Variants in PAK3 observed in about 807,000 individuals in gnomAD.
PAK3 encodes p21 (RAC1) activated kinase 3, also known as serine/threonine-protein kinase PAK 3.
A neutral mutation model predicts 41.0 loss-of-function variants in PAK3; 4 were observed. The observed-to-expected ratio is 0.10, with a 90% CI of 0.05 to 0.22. The LOEUF is 0.22. PAK3 is among the 10% of genes least tolerant of loss of function. The pLI is 1.00. For missense variants in PAK3, 205 were observed against 409.9 expected (o/e 0.50, Z 4.32); for synonymous variants, 146 against 139.6 (o/e 1.05, Z -0.32).
chrX:111,142,274 A>G lies in PAK3; in HGVS notation c.276+78A>G, dbSNP rs1031080242. The G allele has an allele frequency of 8.3e-6, 5 of 603,304 alleles. No individual in the cohort carries two copies. The African/African-American group carries it at 8.8e-5, about 11-fold the overall frequency. 49.7% of individuals were successfully genotyped at this position (603,304 alleles called of 1,213,427 possible). On this transcript the variant is annotated intron_variant, in intron 6 of 17. Coordinates refer to ENST00000372007, the MANE Select transcript of PAK3 (RefSeq NM_002578.5). ...AAATAGTTTTCAAGCAAGAATTGCC[A>G]TGTCCCAAAATGTCAGACTTAATAT...
Position 111,175,414 on chromosome X carries a change from G to T in PAK3, c.830+2333G>T, listed in dbSNP as rs145836860. 7.0e-3 allele frequency among the ~76,000 whole-genome samples: 778 copies of T among 111,739 alleles called. 10 individuals are homozygous for T. The highest frequency in any genetic ancestry group is 0.024 in the African/African-American group (742 of 30,850). On this transcript the variant is annotated intron_variant, in intron 11 of 17. Transcript: ENST00000372007. ...GAAATTTTGCATACATTGGATTAAA[G>T]AAAATATATTATGAAAATTAATTTC...
intron 1 of PAK3, among the ~76,000 whole-genome samples, chrX:110,982,057 C>A (rs1186788519): frequency 9.0e-6 from 1 of 110,852 alleles, no homozygotes; most frequent in East Asian, 2.8e-4. Context: ...TTTAGAAATT[C>A]TGAGCTTGAG....
chrX:110,957,780 C>A (rs1166009081), intron 1 of PAK3, among the ~76,000 whole-genome samples: 1 of 111,654 alleles, frequency 9.0e-6, no homozygotes, highest in East Asian at 2.8e-4. Flanking sequence ...TCTTTCATTC[C>A]TTTAGTCATT....
At chrX:111,162,846 T>G in intron 8 of PAK3, 69 bp from the exon 9 acceptor site, 1 of 967,261 alleles carries the variant, frequency 1.0e-6, no homozygotes, top group Non-Finnish European at 1.5e-6. Context: ...TTCATTTCCC[T>G]TGTTTTATTT....
chrX:111,051,626 T>C (rs180964672), intron 1 of PAK3, among the ~76,000 whole-genome samples: 2 of 111,933 alleles, frequency 1.8e-5, no homozygotes, highest in East Asian at 5.6e-4. Context: ...ATAACTGAGA[T>C]TTCCATTTGC....
intron 3 of PAK3, among the ~76,000 whole-genome samples, chrX:111,101,530 T>C (rs2093137625): frequency 8.9e-6 from 1 of 112,073 alleles, no homozygotes; most frequent in African/African-American, 3.2e-5. Context: ...GGGTGTGTTC[T>C]CCTTCTCTTA....
intron 1 of PAK3, among the ~76,000 whole-genome samples, chrX:110,950,332 T>G (rs1368506314): frequency 8.9e-6 from 1 of 112,372 alleles, no homozygotes; most frequent in Non-Finnish European, 1.9e-5. Flanking sequence ...TGTGACCATG[T>G]GCTGTTCTAC....
At chrX:110,972,599 T>C (rs1463419798) in intron 1 of PAK3, among the ~76,000 whole-genome samples, 1 of 111,633 alleles carries the variant, frequency 9.0e-6, no homozygotes, top group Non-Finnish European at 1.9e-5. Context: ...AACCACAAAA[T>C]GGGGAGAAAC....
intron 1 of PAK3, among the ~76,000 whole-genome samples, chrX:111,043,948 T>C (rs759775688): frequency 8.9e-6 from 1 of 112,381 alleles, no homozygotes; most frequent in South Asian, 3.7e-4. Flanking sequence ...ACATCCATGC[T>C]TACTCATCTC....
chrX:111,073,753 T>C lies in PAK3; in HGVS notation c.-27-49324T>C, dbSNP rs191950933. Reference sequence around the variant, plus strand: ...AAGGAAACGCTCATGGTCTGATGCCTTCACTGCTAAATTCCACCAATATTT... The same window carrying C: ...AAGGAAACGCTCATGGTCTGATGCCCTCACTGCTAAATTCCACCAATATTT... On this transcript the variant is annotated intron_variant, in intron 1 of 14. Transcript: ENST00000425146. 2.3e-3 allele frequency among the ~76,000 whole-genome samples: 253 copies of C among 112,215 alleles called. 1 individual carries two copies. The highest frequency in any genetic ancestry group is 7.6e-3 in the African/African-American group (234 of 30,908).
intron 1 of PAK3, among the ~76,000 whole-genome samples, chrX:111,066,203 C>T (rs1259405715): frequency 8.9e-6 from 1 of 111,891 alleles, no homozygotes; most frequent in Non-Finnish European, 1.9e-5. Context: ...TATCAACTTT[C>T]CTATTAACAC....
intron 1 of PAK3, among the ~76,000 whole-genome samples, chrX:111,076,868 G>A (rs1159424761): frequency 9.0e-6 from 1 of 111,479 alleles, no homozygotes; most frequent in Non-Finnish European, 1.9e-5. Context: ...CATTCAGAAA[G>A]GAAGAAGTTT....
intron 8 of PAK3, among the ~76,000 whole-genome samples, chrX:111,157,108 C>T (rs1354715044): frequency 9.0e-6 from 1 of 111,409 alleles, no homozygotes; most frequent in Non-Finnish European, 1.9e-5. Flanking sequence ...TCTTTTACTT[C>T]AGTGTGCATC....
chrX:111,052,272 T>A (rs938875774), intron 1 of PAK3, among the ~76,000 whole-genome samples: 1 of 112,651 alleles, frequency 8.9e-6, no homozygotes, highest in Admixed American at 9.4e-5. Context: ...GAACAACCTA[T>A]AAGTCAATAA....
intron 1 of PAK3, among the ~76,000 whole-genome samples, chrX:110,973,546 C>A (rs1480717767): frequency 2.7e-5 from 3 of 111,985 alleles, no homozygotes. Context: ...GCCTGCCTTA[C>A]AAGAGCTCCT....
At chrX:111,174,468 A>G (rs898474339) in intron 11 of PAK3, among the ~76,000 whole-genome samples, 2 of 111,518 alleles carry the variant, frequency 1.8e-5, no homozygotes, top group Non-Finnish European at 3.8e-5. Flanking sequence ...GCTAAAATAT[A>G]TTCTCATTTG....
chrX:110,967,746 G>C (rs553142985), intron 1 of PAK3, among the ~76,000 whole-genome samples: 1 of 112,090 alleles, frequency 8.9e-6, no homozygotes, highest in African/African-American at 3.2e-5. Flanking sequence ...ACAGGAAGTT[G>C]CCAAGGTGTT....
chrX:111,024,235 T>C (rs932096348), intron 1 of PAK3, among the ~76,000 whole-genome samples: 3 of 111,794 alleles, frequency 2.7e-5, no homozygotes, highest in Non-Finnish European at 5.6e-5. Context: ...AGGCCTCTGT[T>C]CTGTTCCATT....
chrX:111,045,828 C>T (rs1426173127), intron 1 of PAK3, among the ~76,000 whole-genome samples: 1 of 111,731 alleles, frequency 9.0e-6, no homozygotes, highest in African/African-American at 3.3e-5. Context: ...CGAGGCTAAG[C>T]TGTGGGTCAG....
Sources: gnomAD v4.1 joint callset for allele counts (sites outside exome capture counted in the v4.1 genomes callset) on GRCh38, gnomAD v4.1.1 for gene constraint, MANE v1.5 for transcripts, NCBI Gene and HGNC (gene_info 2026-07-23, HGNC 2026-07-21) for gene names.